PCGF5: variants seen among roughly 807,000 people sequenced by gnomAD.
PCGF5 encodes the protein polycomb group ring finger 5, also known as polycomb group RING finger protein 5.
In PCGF5, 9 loss-of-function variants were observed where a neutral mutation model predicts 44.3. The observed-to-expected ratio is 0.20, with a 90% CI of 0.12 to 0.35. The LOEUF (loss-of-function observed/expected upper bound fraction) is 0.35, where lower values mean the gene tolerates loss of function less well. Ranked by LOEUF, PCGF5 falls within the 10% of genes least tolerant of loss-of-function variation. The probability of loss-of-function intolerance (pLI) is 1.00; values close to 1 mark genes in which losing one functional copy is unlikely to be tolerated. For synonymous variants in PCGF5, 95 were observed against 102.5 expected (o/e 0.93, Z 0.44); for missense variants, 146 against 305.3 (o/e 0.48, Z 3.89).
At chr10:91,267,981 A>T (rs1241046920) in intron 8 of PCGF5, among the ~76,000 whole-genome samples, 1 of 152,210 alleles carries the variant, frequency 6.6e-6, no homozygotes, top group East Asian at 1.9e-4. Context: ...ACACAAGGTT[A>T]AGATTCTAAT....
chr10:91,270,040 A>G (rs1846141187), intron 8 of PCGF5, among the ~76,000 whole-genome samples: 1 of 152,228 alleles, frequency 6.6e-6, no homozygotes, highest in Admixed American at 6.5e-5. Context: ...TCTGACATAA[A>G]TGTTATTAAT....
At chr10:91,183,008 C>T (rs549883592) in intron 1 of PCGF5, among the ~76,000 whole-genome samples, 18 of 152,208 alleles carry the variant, frequency 1.2e-4, no homozygotes, top group Middle Eastern at 6.8e-3. Flanking sequence ...AGTTCTTTTG[C>T]TTTTGCTGAA....
At chr10:91,242,558 A>G (rs976769240) in intron 3 of PCGF5, among the ~76,000 whole-genome samples, 5 of 152,158 alleles carry the variant, frequency 3.3e-5, no homozygotes, top group African/African-American at 1.2e-4. Context: ...TGTTTAATCA[A>G]ACCCGCTCCC....
intron 1 of PCGF5, among the ~76,000 whole-genome samples, chr10:91,164,222 T>TCC (rs898608769): frequency 6.7e-6 from 1 of 149,832 alleles, no homozygotes; most frequent in Non-Finnish European, 1.5e-5. Flanking sequence ...GACAGCGGGG[T>TCC]CCCCCCCTTC....
chr10:91,203,792 ATTC>A, intron 1 of PCGF5, among the ~76,000 whole-genome samples: 1 of 152,212 alleles, frequency 6.6e-6, no homozygotes, highest in African/African-American at 2.4e-5. Context: ...TAGATCCTTT[ATTC>A]TTTTAATATA....
At chr10:91,218,217 G>A (rs1229070670), upstream of PCGF5, among the ~76,000 whole-genome samples, 5 of 152,182 alleles carry the variant, frequency 3.3e-5, no homozygotes, top group Non-Finnish European at 7.4e-5. Context: ...CTGTAATTAT[G>A]AATTCACCAC....
intron 1 of PCGF5, among the ~76,000 whole-genome samples, chr10:91,215,115 G>T (rs1589372319): frequency 6.6e-6 from 1 of 152,228 alleles, no homozygotes; most frequent in East Asian, 1.9e-4. Context: ...TAACATTTTT[G>T]GGAAGTGAAA....
chr10:91,268,753 T>A (rs1846105910), intron 8 of PCGF5, among the ~76,000 whole-genome samples: 1 of 152,210 alleles, frequency 6.6e-6, no homozygotes, highest in Non-Finnish European at 1.5e-5. Flanking sequence ...ACATACTCTG[T>A]GCCACTGCTC....
chr10:91,249,271 G>A (rs1236840906), intron 5 of PCGF5, among the ~76,000 whole-genome samples: 4 of 151,082 alleles, frequency 2.6e-5, no homozygotes. Context: ...CCATCACCCA[G>A]ATTTCTCCTC....
intron 1 of PCGF5, among the ~76,000 whole-genome samples, chr10:91,166,374 G>A (rs907858688): frequency 2.0e-5 from 3 of 152,070 alleles, no homozygotes; most frequent in Admixed American, 2.0e-4. Flanking sequence ...TTGGATAAAT[G>A]GGTTTTAAGT....
At chr10:91,167,772 A>G (rs1843525315) in intron 1 of PCGF5, among the ~76,000 whole-genome samples, 1 of 152,232 alleles carries the variant, frequency 6.6e-6, no homozygotes, top group South Asian at 2.1e-4. Flanking sequence ...GCTTTAAGAG[A>G]TTAATCTTCA....
intron 1 of PCGF5, among the ~76,000 whole-genome samples, chr10:91,175,945 C>T (rs534295268): frequency 1.5e-3 from 226 of 151,860 alleles, no homozygotes; most frequent in African/African-American, 5.3e-3. Context: ...GAATTTGATC[C>T]TGTCATTATG....
intron 1 of PCGF5, among the ~76,000 whole-genome samples, chr10:91,169,160 T>C (rs1843558830): frequency 6.6e-6 from 1 of 152,106 alleles, no homozygotes; most frequent in Non-Finnish European, 1.5e-5. Context: ...AATATCTGGA[T>C]ACAGGATACA....
intron 1 of PCGF5, among the ~76,000 whole-genome samples, chr10:91,189,611 A>G (rs1373269392): frequency 6.6e-6 from 1 of 152,240 alleles, no homozygotes; most frequent in Admixed American, 6.5e-5. Context: ...ATATACATAC[A>G]TATCTACATG....
intron 6 of PCGF5, among the ~76,000 whole-genome samples, chr10:91,253,521 ACTTTCATCTAACT>A (rs1185919277): frequency 1.3e-5 from 2 of 152,046 alleles, no homozygotes; most frequent in Non-Finnish European, 2.9e-5. Context: ...AATTCATTAT[ACTTTCATCTAACT>A]TTGGTCCAAA....
At chr10:91,230,172 A>G (rs533410482) in intron 2 of PCGF5, among the ~76,000 whole-genome samples, 7 of 152,348 alleles carry the variant, frequency 4.6e-5, no homozygotes, top group African/African-American at 1.7e-4. Flanking sequence ...CAACAGACGT[A>G]AAAGAGTGAA....
At chr10:91,264,659 C>T in intron 8 of PCGF5, 139 bp downstream of exon 8, 2 of 615,862 alleles carry the variant, frequency 3.2e-6, no homozygotes, top group South Asian at 4.2e-5. Context: ...TACTGTTTCT[C>T]CTAGCACTCT....
chr10:91,164,516 CT>C (rs1425272138), intron 1 of PCGF5, among the ~76,000 whole-genome samples: 2 of 152,206 alleles, frequency 1.3e-5, no homozygotes, highest in African/African-American at 4.8e-5. Context: ...GTAATTGCGT[CT>C]ACCTAACTGG....
intron 1 of PCGF5, 140 bp from the exon 2 acceptor site, chr10:91,222,549 A>T: frequency 2.3e-6 from 1 of 426,972 alleles, no homozygotes; most frequent in South Asian, 9.5e-5. Flanking sequence ...CAAGTTAATG[A>T]TACAATGAAG....
Sources: gnomAD v4.1 joint callset for allele counts (sites outside exome capture counted in the v4.1 genomes callset) on GRCh38, gnomAD v4.1.1 for gene constraint, MANE v1.5 for transcripts, NCBI Gene and HGNC (gene_info 2026-07-23, HGNC 2026-07-21) for gene names.